Variants in PPP1R12A observed in about 807,000 individuals in gnomAD.
PPP1R12A encodes protein phosphatase 1 regulatory subunit 12A.
Under a neutral mutation model 139.6 loss-of-function variants are expected in PPP1R12A, and 19 were observed. The observed-to-expected ratio is 0.14, with a 90% confidence interval of 0.09 to 0.20. PPP1R12A has a LOEUF of 0.20. PPP1R12A is among the 10% of genes least tolerant of loss of function. PPP1R12A has a pLI of 1.00. For synonymous variants in PPP1R12A, 427 were observed against 420.6 expected, an observed-to-expected ratio of 1.02 and a Z score of -0.19; for missense variants, 925 against 1,211.5, an observed-to-expected ratio of 0.76 and a Z score of 3.51.
At chr12:79,856,285 A>C (rs2596784) in intron 2 of PPP1R12A, among the ~76,000 whole-genome samples, 1 of 152,046 alleles carries the variant, frequency 6.6e-6, no homozygotes, top group African/African-American at 2.4e-5. Flanking sequence ...TATTCCACTA[A>C]TGCCTTCTCT....
chr12:79,857,961 G>T (rs560511017), intron 2 of PPP1R12A, among the ~76,000 whole-genome samples: 1 of 152,244 alleles, frequency 6.6e-6, no homozygotes, highest in South Asian at 2.1e-4. Flanking sequence ...AACGTCTACA[G>T]CTTTCAGCAA....
At chr12:79,820,678 C>A in intron 8 of PPP1R12A, 96 bp downstream of exon 8, 1 of 1,314,192 alleles carries the variant, frequency 7.6e-7, no homozygotes. Flanking sequence ...AAACAAGTAG[C>A]AAATCAGTCT....
intron 14 of PPP1R12A, among the ~76,000 whole-genome samples, chr12:79,799,958 A>T (rs956665656): frequency 6.6e-6 from 1 of 152,136 alleles, no homozygotes; most frequent in African/African-American, 2.4e-5. Flanking sequence ...CAGTGAGCTG[A>T]GATTGTACCA....
intron 22 of PPP1R12A, chr12:79,782,709 TG>T (rs1470079907): frequency 9.8e-6 from 3 of 307,506 alleles, no homozygotes; most frequent in Non-Finnish European, 2.0e-5. Context: ...ACATCTCCCT[TG>T]GAATTCCTGG....
chr12:79,849,916 A>C (rs903422283), intron 2 of PPP1R12A, among the ~76,000 whole-genome samples: 1 of 152,088 alleles, frequency 6.6e-6, no homozygotes, highest in African/African-American at 2.4e-5. Flanking sequence ...TTGAACTCTT[A>C]GGCTCAAGCC....
intron 11 of PPP1R12A, 28 bp downstream of exon 11, chr12:79,808,455 T>G: frequency 2.8e-6 from 4 of 1,414,200 alleles, no homozygotes; most frequent in South Asian, 2.4e-5. Context: ...TTATAGTGAA[T>G]GCATAAAGCA....
At chr12:79,791,494 T>G (rs1871853321) in intron 19 of PPP1R12A, among the ~76,000 whole-genome samples, 1 of 152,076 alleles carries the variant, frequency 6.6e-6, no homozygotes. Context: ...ATCCGACTAA[T>G]TTCTTAAATT....
rs1423653888 is a variant in PPP1R12A, at chr12:79,806,198, T to A, written c.1791A>T (p.Thr597=). The A allele has an allele frequency of 1.2e-6, 2 of 1,613,950 alleles. No homozygotes were observed. The highest frequency in any genetic ancestry group is 1.7e-5 in the Admixed American group (1 of 60,022). Residue 597 remains threonine, a synonymous_variant, in exon 13 of 25, where the codon ACA becomes ACT. Transcript: ENST00000450142. ...GTGTGCCTGCTGAGGAAGAACCCGT[T>A]GTAATCTTTGTAGTAGTGCTTGTGC... ...LSSTSTTTKI[T]TGSSSAGTQS... is the part of the protein sequence containing the mutation.
At chr12:79,848,820 ATC>A (rs1879712415) in intron 2 of PPP1R12A, 1 of 152,146 alleles carries the variant, frequency 6.6e-6, no homozygotes, top group African/African-American at 2.4e-5. Flanking sequence ...ATTAATTCTT[ATC>A]TACCATAAAT....
chr12:79,798,989 G>A (rs1872778172), intron 14 of PPP1R12A, among the ~76,000 whole-genome samples: 1 of 152,038 alleles, frequency 6.6e-6, no homozygotes. Flanking sequence ...TTTTAACTGA[G>A]GAAGGTCCTC....
intron 2 of PPP1R12A, among the ~76,000 whole-genome samples, chr12:79,855,100 T>C (rs982687231): frequency 6.6e-6 from 1 of 152,092 alleles, no homozygotes; most frequent in Non-Finnish European, 1.5e-5. Context: ...GCCATTCTCC[T>C]GCTTCAGCCT....
chr12:79,903,268 T>C (rs1168259696), intron 1 of PPP1R12A, among the ~76,000 whole-genome samples: 2 of 151,984 alleles, frequency 1.3e-5, no homozygotes, highest in African/African-American at 4.8e-5. Context: ...CTGGCCAACA[T>C]TGTGAAACCC....
chr12:79,781,705 A>T, intron 23 of PPP1R12A, 110 bp downstream of exon 23: 1 of 564,468 alleles, frequency 1.8e-6, no homozygotes, highest in Non-Finnish European at 3.0e-6. Context: ...ATAAATATTT[A>T]AACTAATTAA....
intron 2 of PPP1R12A, among the ~76,000 whole-genome samples, chr12:79,852,061 A>G (rs1880105531): frequency 6.6e-6 from 1 of 152,106 alleles, no homozygotes. Flanking sequence ...GCATTTTAAG[A>G]TAGCTGGCTT....
Position 79,809,878 on chromosome 12 carries a change from C to T in PPP1R12A, c.1372G>A (p.Gly458Ser), listed in dbSNP as rs1048169864. ...ALAEITASKE[G>S]QKEKDTAGVT... ...CCTGCAGTATCTTTTTCTTTCTGAC[C>T]CTCTTTAGATGCTGTGATTTCAGCA... The change falls in exon 10 of 25, where the codon GGT (glycine) becomes AGT (serine). Residue 458 changes from glycine to serine, a missense_variant. Around this residue, in one of 4 missense-constraint regions of PPP1R12A, gnomAD observed 403 missense variants for 463.7 expected, o/e 0.87. Transcript: ENST00000450142. 4.3e-6 allele frequency: 7 copies of T among 1,613,440 alleles called. No homozygotes were observed. The African/African-American group carries it at 8.0e-5, about 18-fold the overall frequency.
intron 1 of PPP1R12A, among the ~76,000 whole-genome samples, chr12:79,918,914 G>C (rs1042099050): frequency 2.6e-5 from 4 of 152,024 alleles, no homozygotes; most frequent in Non-Finnish European, 4.4e-5. Context: ...TCAGGAGTTT[G>C]AGACCAGCCT....
intron 1 of PPP1R12A, among the ~76,000 whole-genome samples, chr12:79,929,365 C>A (rs988507847): frequency 6.6e-6 from 1 of 152,130 alleles, no homozygotes; most frequent in African/African-American, 2.4e-5. Flanking sequence ...AGCTCAGACT[C>A]TTACAAAGTG....
chr12:79,809,813 A>G lies in PPP1R12A; in HGVS notation c.1437T>C (p.Ser479=). ...RSASSPRLSS[S]LDNKEKEKDS... ...AGATTACCTTTTCTTTATTATCCAA[A>G]GAGGAGGAAAGTCTGGGACTTGAAG... The change falls in exon 10 of 25, where the codon TCT becomes TCC. Residue 479 remains serine, a synonymous_variant. Coordinates refer to ENST00000450142, the MANE Select transcript of PPP1R12A (RefSeq NM_002480.3). The G allele has an allele frequency of 5.0e-6, 8 of 1,612,454 alleles. No homozygotes were observed. The highest frequency in any genetic ancestry group is 6.8e-6 in the Non-Finnish European group (8 of 1,178,856).
At chr12:79,839,441 C>T (rs556351953) in intron 3 of PPP1R12A, among the ~76,000 whole-genome samples, 26 of 151,758 alleles carry the variant, frequency 1.7e-4, no homozygotes, top group Admixed American at 1.2e-3. Flanking sequence ...AATGTGAGGA[C>T]GTGAGATTTG....
Sources: gnomAD v4.1 joint callset for allele counts (sites outside exome capture counted in the v4.1 genomes callset) on GRCh38, gnomAD v4.1.1 for gene constraint, gnomAD v4.1.1 regional missense constraint, MANE v1.5 for transcripts, NCBI Gene and HGNC (gene_info 2026-07-23, HGNC 2026-07-21) for gene names.